Variants in SLC35D2 observed in about 807,000 individuals in gnomAD.
The protein encoded by SLC35D2 is nucleotide sugar transporter SLC35D2.
Under a neutral mutation model 41.8 loss-of-function variants are expected in SLC35D2, and 43 were observed. The observed-to-expected ratio is 1.03, with a 90% confidence interval of 0.81 to 1.33. The LOEUF (loss-of-function observed/expected upper bound fraction) is 1.33. SLC35D2 is among the 40% of genes most tolerant of loss of function. The pLI is 0.00. For synonymous variants in SLC35D2, 150 were observed against 163.9 expected, an observed-to-expected ratio of 0.92 and a Z score of 0.65; for missense variants, 380 against 408.4, an observed-to-expected ratio of 0.93 and a Z score of 0.60.
intron 1 of SLC35D2, among the ~76,000 whole-genome samples, chr9:96,381,391 C>G (rs1476261954): frequency 6.6e-6 from 1 of 152,228 alleles, no homozygotes; most frequent in Non-Finnish European, 1.5e-5. Context: ...ATCCATTACT[C>G]TCAGACCCCA....
chr9:96,378,718 A>G (rs1012409217), intron 1 of SLC35D2, among the ~76,000 whole-genome samples: 5 of 152,070 alleles, frequency 3.3e-5, no homozygotes, highest in Non-Finnish European at 7.3e-5. Flanking sequence ...CAACCTGGGC[A>G]ATAGAGCAAA....
chr9:96,322,966 G>T (rs536294530), intron 10 of SLC35D2, among the ~76,000 whole-genome samples: 63 of 151,502 alleles, frequency 4.2e-4, no homozygotes, highest in African/African-American at 1.4e-3. Flanking sequence ...TGATCCGCCT[G>T]CCTTGGCCTC....
intron 3 of SLC35D2, among the ~76,000 whole-genome samples, chr9:96,360,574 A>G (rs1830223256): frequency 7.4e-6 from 1 of 135,500 alleles, no homozygotes; most frequent in South Asian, 2.8e-4. Context: ...GGTTGCAGTG[A>G]GCCAAAACTG....
chr9:96,329,823 A>G (rs1456819188), intron 9 of SLC35D2, among the ~76,000 whole-genome samples: 2 of 152,246 alleles, frequency 1.3e-5, no homozygotes, highest in Admixed American at 1.3e-4. Flanking sequence ...TGGCTTCCTC[A>G]ATAAAGGAAT....
At chr9:96,363,044 TA>T (rs1416581920) in intron 3 of SLC35D2, among the ~76,000 whole-genome samples, 1 of 152,122 alleles carries the variant, frequency 6.6e-6, no homozygotes, top group Non-Finnish European at 1.5e-5. Context: ...TTTTTTTGTA[TA>T]TTCAGTAGAG....
intron 9 of SLC35D2, among the ~76,000 whole-genome samples, chr9:96,336,361 T>C (rs1829051809): frequency 6.6e-6 from 1 of 152,140 alleles, no homozygotes; most frequent in South Asian, 2.1e-4. Context: ...GGCAACACAG[T>C]GAGACCCCAT....
chr9:96,335,025 G>A (rs1828986891), intron 9 of SLC35D2, among the ~76,000 whole-genome samples: 1 of 152,222 alleles, frequency 6.6e-6, no homozygotes, highest in Non-Finnish European at 1.5e-5. Context: ...CTGCATGTGA[G>A]TACATCATTG....
intron 6 of SLC35D2, among the ~76,000 whole-genome samples, chr9:96,346,024 A>C (rs1483594340): frequency 1.3e-5 from 2 of 152,244 alleles, no homozygotes; most frequent in African/African-American, 4.8e-5. Flanking sequence ...CAAGAGGAAG[A>C]GCAATAGCTG....
chr9:96,346,323 G>C (rs987562831), intron 6 of SLC35D2, among the ~76,000 whole-genome samples: 2 of 152,164 alleles, frequency 1.3e-5, no homozygotes, highest in Admixed American at 1.3e-4. Flanking sequence ...TGGGCTTCAA[G>C]GAACAAATAA....
intron 5 of SLC35D2, 47 bp downstream of exon 5, chr9:96,351,991 C>G: frequency 2.4e-6 from 3 of 1,227,324 alleles, no homozygotes; most frequent in Non-Finnish European, 3.6e-6. Context: ...AAAAGAAATG[C>G]AGTGGGTGGG....
rs571683940 is a variant in SLC35D2, at chr9:96,383,480, T to C, written c.155A>G (p.Tyr52Cys). ...CCGGCCCCGGGCCCCGCCTCACCCG[T>C]AGGTGGTCAGCAGCGCCTTGTTGAC... is the stretch of plus-strand genomic sequence containing the variant. ...VLVNKALLTT[Y>C]GFPSPIFLGI... Residue 52 changes from tyrosine (Y) to cysteine (C), a missense_variant, in exon 1 of 12, where the codon TAC (tyrosine) becomes TGC (cysteine). By Grantham distance (194) the Tyr-to-Cys change is radical. Transcript: ENST00000253270. The C allele has an allele frequency of 9.7e-5, 144 of 1,490,938 alleles. 1 individual carries two copies. The South Asian group carries it at 1.5e-3, about 16-fold the overall frequency. 92.4% of individuals were successfully genotyped at this position (1,490,938 alleles called of 1,614,324 possible). A position where few individuals can be genotyped will look rare whatever the true frequency, so the allele number is the denominator to read the frequency against.
At chr9:96,368,421 G>T in intron 1 of SLC35D2, 116 bp from the exon 2 acceptor site, 14 of 813,706 alleles carry the variant, frequency 1.7e-5, no homozygotes, top group East Asian at 2.9e-5. Flanking sequence ...TTATCAAATT[G>T]TTCACTTTTC....
chr9:96,322,311 G>A (rs1313947008), intron 10 of SLC35D2, among the ~76,000 whole-genome samples: 6 of 152,146 alleles, frequency 3.9e-5, no homozygotes, highest in Non-Finnish European at 5.9e-5. Flanking sequence ...TTGAGCCCAG[G>A]AGTTTAAGAC....
At chr9:96,356,419 C>G (rs1215196526) in intron 4 of SLC35D2, among the ~76,000 whole-genome samples, 1 of 135,680 alleles carries the variant, frequency 7.4e-6, no homozygotes, top group African/African-American at 2.8e-5. Flanking sequence ...AATTGACAAG[C>G]TAATTTTAAA....
chr9:96,342,773 G>C (rs886488560), intron 8 of SLC35D2, among the ~76,000 whole-genome samples: 1 of 152,192 alleles, frequency 6.6e-6, no homozygotes, highest in African/African-American at 2.4e-5. Context: ...AAGTGAGAAA[G>C]TCCAGCTGGA....
intron 1 of SLC35D2, among the ~76,000 whole-genome samples, chr9:96,378,525 T>C (rs1010873022): frequency 2.6e-5 from 4 of 152,132 alleles, no homozygotes; most frequent in Non-Finnish European, 5.9e-5. Flanking sequence ...TTGAAATGAA[T>C]ACAGTAAAGT....
intron 8 of SLC35D2, among the ~76,000 whole-genome samples, chr9:96,337,387 T>G (rs1037404301): frequency 6.6e-6 from 1 of 151,696 alleles, no homozygotes; most frequent in African/African-American, 2.4e-5. Context: ...CTAATTTTTT[T>G]TTTTTCTTTA....
intron 7 of SLC35D2, among the ~76,000 whole-genome samples, chr9:96,344,487 G>T (rs1331794295): frequency 8.9e-5 from 6 of 67,322 alleles, no homozygotes; most frequent in African/African-American, 1.3e-4. Flanking sequence ...CAACAAACCT[G>T]TTTTTGCAAA....
At chr9:96,370,709 G>A (rs994070230) in intron 1 of SLC35D2, among the ~76,000 whole-genome samples, 7 of 151,656 alleles carry the variant, frequency 4.6e-5, no homozygotes, top group Non-Finnish European at 8.8e-5. Context: ...CAACAAAAAG[G>A]CTCACAGAAG....
Sources: allele counts gnomAD v4.1 joint callset (sites outside exome capture counted in the v4.1 genomes callset), GRCh38; gene constraint gnomAD v4.1.1; transcripts MANE v1.5; gene names NCBI Gene and HGNC (gene_info 2026-07-23, HGNC 2026-07-21).